YTHDF2: variants seen among roughly 807,000 people sequenced by gnomAD.
YTHDF2 encodes the protein YTH domain-containing family protein 2.
Under a neutral mutation model 50.4 loss-of-function variants are expected in YTHDF2, and 2 were observed. The observed-to-expected ratio is 0.04, with a 90% CI of 0.02 to 0.12. The LOEUF is 0.12. Ranked by LOEUF, YTHDF2 falls within the 10% of genes least tolerant of loss-of-function variation. The probability of loss-of-function intolerance (pLI) is 1.00; values close to 1 mark genes in which losing one functional copy is unlikely to be tolerated. For synonymous variants in YTHDF2, 217 were observed against 255.6 expected, an observed-to-expected ratio of 0.85 and a Z score of 1.44; for missense variants, 483 against 722.6, an observed-to-expected ratio of 0.67 and a Z score of 3.80.
chr1:28,766,077 G>A (rs1008841349), intron 4 of YTHDF2, among the ~76,000 whole-genome samples: 1 of 152,128 alleles, frequency 6.6e-6, no homozygotes, highest in Non-Finnish European at 1.5e-5. Context: ...TTTGGAGACC[G>A]TGGTTTCATG....
At chr1:28,740,409 G>T (rs1216645242) in intron 3 of YTHDF2, 1 of 152,178 alleles carries the variant, frequency 6.6e-6, no homozygotes, top group Non-Finnish European at 1.5e-5. Context: ...GTAAGCCAAA[G>T]CTTAAATGTC....
chr1:28,750,293 T>A (rs1470529581), intron 4 of YTHDF2, among the ~76,000 whole-genome samples: 1 of 152,070 alleles, frequency 6.6e-6, no homozygotes, highest in Admixed American at 6.6e-5. Flanking sequence ...CCAGCCCAAA[T>A]TTTTTTAAGA....
chr1:28,750,594 T>G (rs1484193027), intron 4 of YTHDF2, among the ~76,000 whole-genome samples: 2 of 152,188 alleles, frequency 1.3e-5, no homozygotes, highest in South Asian at 2.1e-4. Flanking sequence ...TTAGAAAGGT[T>G]GTTTCATAAT....
At chr1:28,758,108 T>C (rs1051850999) in intron 4 of YTHDF2, among the ~76,000 whole-genome samples, 19 of 152,210 alleles carry the variant, frequency 1.2e-4, no homozygotes, top group African/African-American at 3.6e-4. Flanking sequence ...TTCATACTTA[T>C]TTAAAATTGC....
intron 4 of YTHDF2, among the ~76,000 whole-genome samples, chr1:28,767,550 C>A (rs2124214983): frequency 6.6e-6 from 1 of 151,938 alleles, no homozygotes; most frequent in African/African-American, 2.4e-5. Context: ...GCTTTGTCGC[C>A]CAGGCTGGAG....
chr1:28,765,741 A>G (rs1347014721), intron 4 of YTHDF2, among the ~76,000 whole-genome samples: 1 of 152,108 alleles, frequency 6.6e-6, no homozygotes, highest in African/African-American at 2.4e-5. Flanking sequence ...GTGAGCTACC[A>G]TGCTGGGCCT....
chr1:28,741,296 C>A (rs899365505), intron 3 of YTHDF2, among the ~76,000 whole-genome samples: 2 of 152,060 alleles, frequency 1.3e-5, no homozygotes, highest in Admixed American at 6.6e-5. Context: ...CTGTGCCCGG[C>A]CTGTTTTTAT....
At chr1:28,767,973 C>T (rs2088243691) in intron 4 of YTHDF2, among the ~76,000 whole-genome samples, 1 of 150,728 alleles carries the variant, frequency 6.6e-6, no homozygotes, top group Admixed American at 6.6e-5. Flanking sequence ...GAGGCTGAGT[C>T]GAGCAGATCA....
chr1:28,762,942 T>G (rs2088157207), intron 4 of YTHDF2, among the ~76,000 whole-genome samples: 1 of 152,042 alleles, frequency 6.6e-6, no homozygotes, highest in Non-Finnish European at 1.5e-5. Flanking sequence ...TTCTCCTGCC[T>G]CAGCCTCCTG....
chr1:28,760,966 C>T (rs543483019), intron 4 of YTHDF2, among the ~76,000 whole-genome samples: 5 of 152,066 alleles, frequency 3.3e-5, no homozygotes, highest in African/African-American at 4.8e-5. Context: ...TTGTTTACAC[C>T]GCATTACCAC....
chr1:28,741,637 T>C (rs1299894274), intron 3 of YTHDF2, among the ~76,000 whole-genome samples: 1 of 152,208 alleles, frequency 6.6e-6, no homozygotes, highest in Non-Finnish European at 1.5e-5. Flanking sequence ...GTGCATTTCC[T>C]TTTCAGGTTA....
rs547477057 is a variant in YTHDF2 at position 28,742,900 on chromosome 1, T to C, written c.630T>C (p.Ala210=). ...ASNVPKVVGS[A]VGSGSITSNI... is the part of the protein sequence containing the mutation. ...ATGTTCCAAAAGTTGTAGGTTCTGCTGTTGGTAGCGGGTCCATTACTAGTA... is the reference window on the plus strand; with the variant it reads ...ATGTTCCAAAAGTTGTAGGTTCTGCCGTTGGTAGCGGGTCCATTACTAGTA... Residue 210 remains alanine, a synonymous_variant, in exon 4 of 5, where the codon GCT becomes GCC. Transcript: ENST00000373812. 6.2e-7 allele frequency: 1 copy of C among 1,614,176 alleles called. No homozygotes were observed. Among genetic ancestry groups the C allele is most frequent in the Admixed American group, 1.7e-5 (1 of 60,012 alleles).
At chr1:28,737,855 C>T (rs1171554571) in intron 2 of YTHDF2, 173 bp downstream of exon 2, 4 of 624,716 alleles carry the variant, frequency 6.4e-6, no homozygotes, top group Non-Finnish European at 1.1e-5. Flanking sequence ...TGGCGAACAG[C>T]TTTTTCGCTA....
At position 28,736,980 on chromosome 1, in the gene YTHDF2, T is replaced by G; in HGVS notation, c.-141T>G. The G allele has an allele frequency of 9.5e-7, 1 of 1,049,738 alleles. No homozygotes were observed. The highest frequency in any genetic ancestry group is 1.4e-6 in the Non-Finnish European group (1 of 729,490). The allele number at this position is 1,049,738 out of a possible 1,614,324, so 65.0% of individuals were successfully genotyped here. A position where few individuals can be genotyped will look rare whatever the true frequency, so the allele number is the denominator to read the frequency against. On this transcript the variant is annotated 5_prime_UTR_variant, in exon 1 of 5. Coordinates refer to ENST00000373812, the MANE Select transcript of YTHDF2 (RefSeq NM_016258.3). The stretch of plus-strand genomic sequence containing the variant: ...CGGAGCCGGAGCCTGAGCCGCGCGC[T>G]GTGTCTCCGCTGCGTCCGCCGAGGC...
intron 4 of YTHDF2, among the ~76,000 whole-genome samples, chr1:28,763,360 GC>G (rs1284571833): frequency 1.3e-5 from 2 of 151,590 alleles, no homozygotes; most frequent in Non-Finnish European, 2.9e-5. Flanking sequence ...TGCAACCTCT[GC>G]CCCCTGGGTT....
intron 4 of YTHDF2, among the ~76,000 whole-genome samples, chr1:28,757,735 CAAAAG>C (rs67644812): frequency 0.073 from 11,091 of 151,740 alleles, 1,107 homozygotes; most frequent in African/African-American, 0.23. Flanking sequence ...GCGTAGAAAA[CAAAAG>C]AAATCACCTG....
intron 4 of YTHDF2, among the ~76,000 whole-genome samples, chr1:28,765,380 T>G (rs1304857080): frequency 6.6e-6 from 1 of 152,014 alleles, no homozygotes; most frequent in Non-Finnish European, 1.5e-5. Context: ...AGAAATAAAT[T>G]CATTTCTTCC....
chr1:28,766,950 AC>A (rs1177994656), intron 4 of YTHDF2, among the ~76,000 whole-genome samples: 1 of 141,822 alleles, frequency 7.1e-6, no homozygotes, highest in Non-Finnish European at 1.5e-5. Flanking sequence ...CTCCCAGCTC[AC>A]CCCCCAAGTA....
At chr1:28,752,322 G>A (rs2087968946) in intron 4 of YTHDF2, among the ~76,000 whole-genome samples, 1 of 152,038 alleles carries the variant, frequency 6.6e-6, no homozygotes, top group African/African-American at 2.4e-5. Flanking sequence ...TTTTTGAGAC[G>A]GAGTCTCACT....
Sources: gnomAD v4.1 joint callset for allele counts (sites outside exome capture counted in the v4.1 genomes callset) on GRCh38, gnomAD v4.1.1 for gene constraint, MANE v1.5 for transcripts, NCBI Gene and HGNC (gene_info 2026-07-23, HGNC 2026-07-21) for gene names.